The following ZPBP variants were observed in gnomAD, a reference collection of about 807,000 sequenced individuals.
ZPBP encodes zona pellucida binding protein, also known as zona pellucida-binding protein 1.
A neutral mutation model predicts 44.8 loss-of-function variants in ZPBP; 26 were observed. The ratio of observed to expected loss-of-function variants is 0.58; its 90% confidence interval spans 0.43 to 0.81. The LOEUF is 0.81. Ranked by LOEUF, ZPBP falls within the 30% of genes least tolerant of loss-of-function variation. The pLI is 0.00. For synonymous variants in ZPBP, 174 were observed against 153.2 expected (o/e 1.14, Z -1.00); for missense variants, 409 against 434.0 (o/e 0.94, Z 0.51).
chr7:49,928,215 C>G (rs999650859), intron 1 of ZPBP, among the ~76,000 whole-genome samples: 2 of 152,174 alleles, frequency 1.3e-5, no homozygotes, highest in African/African-American at 4.8e-5. Context: ...ATGTTGTCCA[C>G]TGGGTTACTA....
chr7:49,940,583 A>C (rs1794831953), intron 7 of ZPBP, among the ~76,000 whole-genome samples: 1 of 151,856 alleles, frequency 6.6e-6, no homozygotes, highest in South Asian at 2.1e-4. Context: ...AAGTAACTAG[A>C]GACTGGCTAA....
At chr7:49,935,905 T>G (rs911771187), downstream of ZPBP, 1 of 152,210 alleles carries the variant, frequency 6.6e-6, no homozygotes, top group Non-Finnish European at 1.5e-5. Context: ...GTACTTAGCA[T>G]GTGCGTAACA....
At chr7:49,976,866 G>A (rs1326398964) in intron 7 of ZPBP, among the ~76,000 whole-genome samples, 5 of 152,032 alleles carry the variant, frequency 3.3e-5, no homozygotes, top group Non-Finnish European at 7.4e-5. Flanking sequence ...ACTCTGGGAG[G>A]CGGAGGCGGG....
intron 6 of ZPBP, among the ~76,000 whole-genome samples, chr7:50,011,441 A>T (rs1439711915): frequency 2.0e-5 from 3 of 152,214 alleles, no homozygotes; most frequent in African/African-American, 4.8e-5. Context: ...TGTTGCCCAC[A>T]AAGTCTAAAA....
At chr7:50,039,612 G>T (rs1799975405) in intron 4 of ZPBP, among the ~76,000 whole-genome samples, 1 of 152,130 alleles carries the variant, frequency 6.6e-6, no homozygotes, top group South Asian at 2.1e-4. Flanking sequence ...AAAGAGGTGG[G>T]TGAGAGAAGC....
intron 7 of ZPBP, among the ~76,000 whole-genome samples, chr7:49,969,239 T>C (rs1006708302): frequency 6.0e-5 from 9 of 149,546 alleles, no homozygotes; most frequent in African/African-American, 2.2e-4. Context: ...ATAGCCAATA[T>C]ATATCTAAAT....
chr7:49,954,020 CA>C, intron 7 of ZPBP, among the ~76,000 whole-genome samples: 1 of 151,978 alleles, frequency 6.6e-6, no homozygotes, highest in East Asian at 1.9e-4. Context: ...AAAAGGAAAA[CA>C]AAGTCGGAAG....
At chr7:50,062,720 C>A (rs962913097) in intron 3 of ZPBP, among the ~76,000 whole-genome samples, 6 of 152,100 alleles carry the variant, frequency 3.9e-5, no homozygotes, top group Non-Finnish European at 7.4e-5. Flanking sequence ...AGCAAGATGG[C>A]TGAATAGAAG....
In ZPBP at chr7:49,968,580, G is replaced by A. The variant is rs932173812; in HGVS notation, c.961+14762C>T. 4.6e-5 allele frequency among the ~76,000 whole-genome samples: 7 copies of A among 151,910 alleles called. No homozygotes were observed. In the East Asian group the frequency reaches 5.8e-4, roughly 13 times the overall value. ...ACTAGATCTCTCATAAATTACTGACGTAAGTACAATCATGCAAGCACATGA... is the reference window on the plus strand; with the variant it reads ...ACTAGATCTCTCATAAATTACTGACATAAGTACAATCATGCAAGCACATGA... On this transcript the variant is annotated intron_variant, in intron 7 of 7. Coordinates refer to ENST00000046087, the MANE Select transcript of ZPBP (RefSeq NM_007009.3).
At chr7:49,871,234 C>G (rs930787181) in intron 2 of ZPBP, among the ~76,000 whole-genome samples, 2 of 152,142 alleles carry the variant, frequency 1.3e-5, no homozygotes, top group Non-Finnish European at 2.9e-5. Context: ...TTCTTACAGC[C>G]TTCCATGTAA....
chr7:49,933,844 T>C (rs931689834), downstream of ZPBP, among the ~76,000 whole-genome samples: 11 of 142,844 alleles, frequency 7.7e-5, no homozygotes, highest in Non-Finnish European at 9.0e-5. Context: ...TAGGTGGGAA[T>C]TGAACAATGA....
chr7:49,872,916 A>G (rs372638784), intron 2 of ZPBP, among the ~76,000 whole-genome samples: 3 of 30,696 alleles, frequency 9.8e-5, no homozygotes, highest in African/African-American at 3.1e-4. Context: ...ACTTTGTCTC[A>G]AAAAAAAAAA....
At chr7:49,961,037 A>G (rs1286830066) in intron 7 of ZPBP, among the ~76,000 whole-genome samples, 1 of 152,170 alleles carries the variant, frequency 6.6e-6, no homozygotes, top group Admixed American at 6.5e-5. Context: ...AAAAGCCAAC[A>G]ATTTGGCTTT....
chr7:49,896,139 G>C (rs1431481121), intron 2 of ZPBP, among the ~76,000 whole-genome samples: 5 of 152,178 alleles, frequency 3.3e-5, no homozygotes, highest in African/African-American at 1.2e-4. Flanking sequence ...TTAGGAGTTT[G>C]AGACTAGCCT....
At chr7:50,052,978 G>C (rs1800764634) in intron 4 of ZPBP, among the ~76,000 whole-genome samples, 1 of 152,156 alleles carries the variant, frequency 6.6e-6, no homozygotes, top group Non-Finnish European at 1.5e-5. Context: ...GTCAACACAA[G>C]GTATCCTTGT....
intron 6 of ZPBP, among the ~76,000 whole-genome samples, chr7:50,007,807 T>A (rs1056165750): frequency 3.9e-5 from 6 of 151,976 alleles, no homozygotes; most frequent in Admixed American, 1.3e-4. Context: ...AGGTATTTTT[T>A]AAAAATTAAT....
intron 1 of ZPBP, among the ~76,000 whole-genome samples, chr7:49,911,359 A>ATAG (rs966717268): frequency 5.3e-5 from 8 of 151,250 alleles, no homozygotes; most frequent in African/African-American, 1.9e-4. Flanking sequence ...GCACGCCCCT[A>ATAG]TAGTCCCAGC....
intron 2 of ZPBP, among the ~76,000 whole-genome samples, chr7:49,861,334 G>C (rs1790646176): frequency 6.6e-6 from 1 of 152,072 alleles, no homozygotes; most frequent in South Asian, 2.1e-4. Context: ...TCATTTTATT[G>C]AGTTGCTTGC....
At chr7:49,872,155 A>C (rs936608602) in intron 2 of ZPBP, among the ~76,000 whole-genome samples, 14 of 152,206 alleles carry the variant, frequency 9.2e-5, no homozygotes, top group African/African-American at 3.4e-4. Context: ...CCAGTGAAAA[A>C]TATTTGATCA....
Sources: gnomAD v4.1 joint callset for allele counts (sites outside exome capture counted in the v4.1 genomes callset) on GRCh38, gnomAD v4.1.1 for gene constraint, MANE v1.5 for transcripts, NCBI Gene and HGNC (gene_info 2026-07-23, HGNC 2026-07-21) for gene names.